Variants in RIOK1 observed in about 807,000 individuals in gnomAD.
The protein encoded by RIOK1 is RIO kinase 1, also known as serine/threonine-protein kinase RIO1.
A neutral mutation model predicts 73.5 loss-of-function variants in RIOK1; 66 were observed. The observed-to-expected ratio is 0.90, with a 90% CI of 0.74 to 1.10. RIOK1 has a LOEUF of 1.10. Ranked by LOEUF, RIOK1 falls within the 50% of genes least tolerant of loss-of-function variation. RIOK1 has a pLI of 0.00. For synonymous variants in RIOK1, 224 were observed against 226.8 expected, an observed-to-expected ratio of 0.99 and a Z score of 0.11; for missense variants, 658 against 699.8, an observed-to-expected ratio of 0.94 and a Z score of 0.67.
intron 12 of RIOK1, 55 bp from the exon 13 acceptor site, chr6:7,410,331 A>G (rs1465297309): frequency 8.3e-7 from 1 of 1,207,996 alleles, no homozygotes; most frequent in Non-Finnish European, 1.2e-6. Context: ...TGGGACATGG[A>G]TGTGCCTTCT....
At chr6:7,400,518 A>C (rs1302911365) in intron 5 of RIOK1, among the ~76,000 whole-genome samples, 1 of 152,214 alleles carries the variant, frequency 6.6e-6, no homozygotes, top group South Asian at 2.1e-4. Flanking sequence ...TATCTCACTG[A>C]TGACTTTTTA....
Position 7,393,236 on chromosome 6 carries a change from G to A in RIOK1, c.209G>A (p.Trp70Ter). The A allele has an allele frequency of 6.2e-7, 1 of 1,613,772 alleles. No homozygotes were observed. Among genetic ancestry groups the A allele is most frequent in the Non-Finnish European group, 8.5e-7 (1 of 1,179,748 alleles). Reference sequence around the variant, plus strand: ...GGTTATGACGATGATGATGATGACTGGGACTGGGATGAAGGAGTTGGAAAA... The same window carrying A: ...GGTTATGACGATGATGATGATGACTAGGACTGGGATGAAGGAGTTGGAAAA... ...EEGYDDDDDD[W>*]DWDEGVGKLA... The change falls in exon 2 of 17, where the codon TGG becomes TAG. Residue 70 changes from tryptophan (W) to a stop codon, truncating the protein, a stop_gained. Transcript: ENST00000379834. LOFTEE classifies it high-confidence loss of function.
chr6:7,410,411 C>A lies in RIOK1; in HGVS notation c.1229C>A (p.Thr410Asn). Residue 410 changes from threonine to asparagine, a missense_variant, in exon 13 of 17, where the codon ACC becomes AAC. Physicochemically the swap from Thr to Asn is moderately conservative, Grantham distance 65. Transcript: ENST00000379834. The stretch of plus-strand genomic sequence containing the variant: ...GCCATGGAAATAGCATCTCAAAGGA[C>A]CAAGGAAGAACGGTCTAGCCAAGAT... The part of the protein sequence containing the change: ...SKAMEIASQR[T>N]KEERSSQDHV... 6.2e-7 allele frequency: 1 copy of A among 1,612,650 alleles called. No homozygotes were observed. The highest frequency in any genetic ancestry group is 8.5e-7 in the Non-Finnish European group (1 of 1,178,946).
chr6:7,409,969 A>G (rs1761848224), intron 12 of RIOK1, among the ~76,000 whole-genome samples: 1 of 152,208 alleles, frequency 6.6e-6, no homozygotes, highest in South Asian at 2.1e-4. Context: ...AAAGCCGTAT[A>G]TTCAAGATTT....
intron 3 of RIOK1, among the ~76,000 whole-genome samples, chr6:7,395,642 GTT>G (rs1761455378): frequency 6.6e-6 from 1 of 151,708 alleles, no homozygotes; most frequent in Non-Finnish European, 1.5e-5. Context: ...TGCTATTTTG[GTT>G]GTTTTCCCAC....
At position 7,402,835 on chromosome 6, in the gene RIOK1, T is replaced by G. The variant is rs1292538835; in HGVS notation, c.705T>G (p.Cys235Trp). ...ATTCAAGATTTCGTCATGGCTATTG[T>G]AAAGGAAACCCTAGGAAAATGGTGA... ...SGEFRFRHGYCKGNPRKMVKT... is the reference protein window; with the variant it reads ...SGEFRFRHGYWKGNPRKMVKT... Residue 235 changes from cysteine to tryptophan, a missense_variant, in exon 8 of 17, where the codon TGT becomes TGG. Cys to Trp is a radical substitution (Grantham distance 215). Coordinates refer to ENST00000379834, the MANE Select transcript of RIOK1 (RefSeq NM_031480.3). 2 of 1,613,534 alleles carry G rather than the reference T, an allele frequency of 1.2e-6. No homozygotes were observed. Among genetic ancestry groups the G allele is most frequent in the South Asian group, 2.2e-5 (2 of 90,938 alleles).
chr6:7,393,022 TTACA>T, intron 1 of RIOK1, 73 bp from the exon 2 acceptor site: 4 of 1,414,578 alleles, frequency 2.8e-6, no homozygotes, highest in Non-Finnish European at 3.9e-6. Flanking sequence ...TTTTAATATC[TTACA>T]TCATAAATAT....
In RIOK1 at chr6:7,408,423, G is replaced by T. The variant is rs187224306; in HGVS notation, c.1204-1963G>T. 2.0e-5 allele frequency among the ~76,000 whole-genome samples: 3 copies of T among 151,374 alleles called. No homozygotes were observed. The East Asian group carries it at 5.8e-4, about 29-fold the overall frequency. The stretch of plus-strand genomic sequence containing the variant: ...TTCTGCCTTTGCTCAACTTTGCTCC[G>T]CCTGGTGAACTTTAAAGCTCCAGTT... On this transcript the variant is annotated intron_variant, in intron 12 of 16. Coordinates refer to ENST00000379834, the MANE Select transcript of RIOK1 (RefSeq NM_031480.3).
At chr6:7,405,802 T>C (rs1357965667) in intron 12 of RIOK1, among the ~76,000 whole-genome samples, 1 of 150,240 alleles carries the variant, frequency 6.7e-6, no homozygotes, top group Non-Finnish European at 1.5e-5. Context: ...TTTTTTTTTT[T>C]TTTTTCTTCT....
chr6:7,409,676 G>T (rs1761838047), intron 12 of RIOK1, among the ~76,000 whole-genome samples: 1 of 151,258 alleles, frequency 6.6e-6, no homozygotes, highest in Admixed American at 6.6e-5. Flanking sequence ...TCCCCATATT[G>T]CCCAGGCTGG....
intron 1 of RIOK1, among the ~76,000 whole-genome samples, chr6:7,390,287 G>A (rs970982629): frequency 6.6e-6 from 1 of 152,246 alleles, no homozygotes; most frequent in African/African-American, 2.4e-5. Flanking sequence ...AAGGGAGTCT[G>A]CGGTTCTCAG....
rs769467552 is a variant in RIOK1 at position 7,417,391 on chromosome 6, CAT to C, written c.1658_1659del (p.His553ArgfsTer18). On this transcript the variant is annotated frameshift_variant, in exon 17 of 17. Transcript: ENST00000379834. LOFTEE classifies it high-confidence loss of function. ...REKRKNKIPK[H>X]VKKRKEKTAK... ...GAAAAGAAAAAACAAAATTCCTAAA[CAT>C]GTGAAAAAAAGAAAGGAGAAGACAG... is the stretch of plus-strand genomic sequence containing the variant. 70 of 1,568,854 alleles carry C rather than the reference CAT, an allele frequency of 4.5e-5. No individual in the cohort carries two copies. The East Asian group carries it at 5.0e-4, about 11-fold the overall frequency.
intron 16 of RIOK1, among the ~76,000 whole-genome samples, chr6:7,415,671 G>A (rs1012656539): frequency 6.6e-6 from 1 of 152,204 alleles, no homozygotes; most frequent in African/African-American, 2.4e-5. Context: ...AGGTTTCAAA[G>A]GTTTCAGCAA....
At chr6:7,402,216 A>G (rs976045560) in intron 6 of RIOK1, among the ~76,000 whole-genome samples, 5 of 152,222 alleles carry the variant, frequency 3.3e-5, no homozygotes, top group Admixed American at 6.5e-5. Context: ...CTCTCAGGCT[A>G]TACGGTAGTT....
intron 8 of RIOK1, 25 bp from the exon 9 acceptor site, chr6:7,403,916 C>T: frequency 1.3e-6 from 2 of 1,550,156 alleles, no homozygotes; most frequent in Non-Finnish European, 8.9e-7. Context: ...TTTCAGTTGT[C>T]CTTTTATTTG....
intron 4 of RIOK1, among the ~76,000 whole-genome samples, chr6:7,398,444 T>C (rs1168068480): frequency 6.6e-6 from 1 of 152,258 alleles, no homozygotes; most frequent in Non-Finnish European, 1.5e-5. Context: ...TCTTTGATGC[T>C]TCTGAAATAG....
chr6:7,415,801 AG>A (rs1269488214), intron 16 of RIOK1, among the ~76,000 whole-genome samples: 1 of 152,258 alleles, frequency 6.6e-6, no homozygotes, highest in Non-Finnish European at 1.5e-5. Context: ...CTGCCAATGA[AG>A]AAGCTACTGT....
rs771743952 is a variant in RIOK1, at chr6:7,404,923, A to G, written c.998A>G (p.His333Arg). Reference sequence around the variant, plus strand: ...TCTGTGTCTCTGGCCCATAGGTACCACGGTGGAGGCGTGTATATCATTGAC... The same window carrying G: ...TCTGTGTCTCTGGCCCATAGGTACCGCGGTGGAGGCGTGTATATCATTGAC... ...ADLSEFNMLY[H>R]GGGVYIIDVS... The change falls in exon 11 of 17, where the codon CAC becomes CGC. Residue 333 changes from histidine to arginine, a missense_variant. Physicochemically the swap from His to Arg is conservative, Grantham distance 29 (BLOSUM62 0). Coordinates refer to ENST00000379834, the MANE Select transcript of RIOK1 (RefSeq NM_031480.3). 2 of 1,613,490 alleles carry G rather than the reference A, an allele frequency of 1.2e-6. No individual in the cohort carries two copies. Among genetic ancestry groups the G allele is most frequent in the Non-Finnish European group, 1.7e-6 (2 of 1,179,444 alleles).
chr6:7,411,667 A>G (rs779026448), intron 14 of RIOK1: 8 of 471,972 alleles, frequency 1.7e-5, no homozygotes, highest in Non-Finnish European at 3.0e-5. Context: ...AATGAATCCA[A>G]CAAGCTGTAA....
Sources: gnomAD v4.1 joint callset for allele counts (sites outside exome capture counted in the v4.1 genomes callset) on GRCh38, gnomAD v4.1.1 for gene constraint, MANE v1.5 for transcripts, NCBI Gene and HGNC (gene_info 2026-07-23, HGNC 2026-07-21) for gene names.